The following GRIK2 variants were observed in gnomAD, a reference collection of about 807,000 sequenced individuals.
The protein encoded by GRIK2 is glutamate receptor ionotropic, kainate 2.
Under a neutral mutation model 100.3 loss-of-function variants are expected in GRIK2, and 32 were observed. The ratio of observed to expected loss-of-function variants is 0.32; its 90% CI spans 0.24 to 0.43. The LOEUF is 0.43. GRIK2 is among the 20% of genes least tolerant of loss of function. The pLI, the probability that GRIK2 is intolerant of heterozygous loss-of-function variation, is 1.00. For synonymous variants in GRIK2, 417 were observed against 389.4 expected (o/e 1.07, Z -0.83); for missense variants, 843 against 1,114.9 (o/e 0.76, Z 3.47).
At chr6:101,424,836 G>C (rs1019324235) in intron 2 of GRIK2, among the ~76,000 whole-genome samples, 1 of 151,156 alleles carries the variant, frequency 6.6e-6, no homozygotes, top group South Asian at 2.1e-4. Flanking sequence ...TTGTCCTTGC[G>C]ATAGTTTGCT....
chr6:101,400,271 G>A (rs921833625), intron 2 of GRIK2, among the ~76,000 whole-genome samples: 55 of 152,238 alleles, frequency 3.6e-4, no homozygotes, highest in African/African-American at 1.3e-3. Flanking sequence ...GGGTTTCTTT[G>A]GAGCTTGAAG....
intron 9 of GRIK2, among the ~76,000 whole-genome samples, chr6:101,817,888 G>A (rs1305512174): frequency 6.6e-6 from 1 of 152,184 alleles, no homozygotes; most frequent in African/African-American, 2.4e-5. Context: ...TATCCCACCA[G>A]GGGTAGTGCA....
intron 14 of GRIK2, among the ~76,000 whole-genome samples, chr6:101,974,143 C>G (rs1397818165): frequency 6.6e-6 from 1 of 151,614 alleles, no homozygotes; most frequent in African/African-American, 2.4e-5. Flanking sequence ...GCCATCTTGT[C>G]TTTTTGTAAA....
At position 102,059,904 on chromosome 6, in the gene GRIK2, A is replaced by C. The variant is rs1771662205; in HGVS notation, c.2562+4324A>C. ...TGTTTTTATTGAACTGTCTGGATAT[A>C]AATTATTGAGTTTCCTGACATAAAA... On this transcript the variant is annotated intron_variant, in intron 16 of 16. Transcript: ENST00000369134. 3.3e-5 allele frequency among the ~76,000 whole-genome samples: 5 copies of C among 150,482 alleles called. No individual in the cohort carries two copies. In the South Asian group the frequency reaches 1.0e-3, roughly 31 times the overall value.
intron 7 of GRIK2, among the ~76,000 whole-genome samples, chr6:101,729,390 T>A (rs1432202296): frequency 6.6e-6 from 1 of 151,944 alleles, no homozygotes; most frequent in Non-Finnish European, 1.5e-5. Flanking sequence ...AAAGCTTGCC[T>A]TAGACATTAA....
At chr6:101,776,989 T>C (rs1425456218) in intron 7 of GRIK2, among the ~76,000 whole-genome samples, 4 of 152,192 alleles carry the variant, frequency 2.6e-5, no homozygotes, top group South Asian at 2.1e-4. Context: ...CTTCTGGTGA[T>C]CATCGCCATC....
intron 7 of GRIK2, among the ~76,000 whole-genome samples, chr6:101,764,566 A>G (rs1460884874): frequency 6.6e-6 from 1 of 152,162 alleles, no homozygotes; most frequent in Non-Finnish European, 1.5e-5. Context: ...TTTTTATCTC[A>G]GTGAATATTA....
chr6:102,015,289 G>A lies in GRIK2; in HGVS notation c.2086-20052G>A, dbSNP rs535539615. ...CATTTTTCTTTGTTTCTCTTGCTTG[G>A]TAGATTTTTCTCCATCCCTTTATTT... is the stretch of plus-strand genomic sequence containing the variant. On this transcript the variant is annotated intron_variant, in intron 14 of 16. Coordinates refer to ENST00000369134, the MANE Select transcript of GRIK2 (RefSeq NM_021956.5). Among the ~76,000 whole-genome samples the A allele has an allele frequency of 2.4e-3, 362 of 151,672 alleles. 1 individual carries two copies. The highest frequency in any genetic ancestry group is 4.4e-3 in the Non-Finnish European group (299 of 67,894).
In GRIK2 at chr6:101,413,967, T is replaced by C. The variant is rs146865269; in HGVS notation, c.115+14575T>C. Among the ~76,000 whole-genome samples the C allele has an allele frequency of 9.2e-3, 1,403 of 152,330 alleles. 14 individuals carry two copies. The highest frequency in any genetic ancestry group is 0.024 in the Middle Eastern group (7 of 294). On this transcript the variant is annotated intron_variant, in intron 2 of 16. Coordinates refer to ENST00000369134, the MANE Select transcript of GRIK2 (RefSeq NM_021956.5). ...TTCTTTCAATCATTCATTTAACAAA[T>C]GTTTAACTGCTTACCCATGTGCCAG... is the stretch of plus-strand genomic sequence containing the variant.
intron 12 of GRIK2, among the ~76,000 whole-genome samples, chr6:101,897,467 A>G (rs1261839799): frequency 6.6e-6 from 1 of 151,670 alleles, no homozygotes; most frequent in Non-Finnish European, 1.5e-5. Flanking sequence ...ACAAAATTTC[A>G]CTTCTGTTTT....
intron 4 of GRIK2, 76 bp from the exon 5 acceptor site, chr6:101,676,547 G>A (rs1018890590): frequency 2.5e-6 from 2 of 806,680 alleles, no homozygotes; most frequent in Non-Finnish European, 3.8e-6. Context: ...ACATTCTAAT[G>A]AGTGTTTTCT....
chr6:101,922,101 T>A (rs539205855), intron 12 of GRIK2, among the ~76,000 whole-genome samples: 1 of 22,994 alleles, frequency 4.3e-5, no homozygotes, highest in African/African-American at 2.1e-4. Flanking sequence ...CCTTCCTTCC[T>A]TCCTTCCTTC....
chr6:101,837,450 T>G (rs1246013877), intron 10 of GRIK2, among the ~76,000 whole-genome samples: 1 of 152,194 alleles, frequency 6.6e-6, no homozygotes. Flanking sequence ...TTAGTCAACT[T>G]TGATTGTGTT....
At chr6:101,620,482 C>T (rs934773834) in intron 2 of GRIK2, among the ~76,000 whole-genome samples, 5 of 151,906 alleles carry the variant, frequency 3.3e-5, no homozygotes, top group African/African-American at 4.8e-5. Context: ...TTTGCCTCAC[C>T]CCTCTAGTCT....
intron 2 of GRIK2, among the ~76,000 whole-genome samples, chr6:101,595,151 A>G (rs945921153): frequency 1.2e-4 from 18 of 151,660 alleles, no homozygotes; most frequent in Admixed American, 5.3e-4. Context: ...AGTCAAAAAC[A>G]TGAAAACCAA....
chr6:101,686,295 T>C lies in GRIK2; in HGVS notation c.893T>C (p.Met298Thr). ...TCCTCCATCATTGAAAAGTGGTCGA[T>C]GGAACGATTGCAGGCACCTCCGAAA... is the stretch of plus-strand genomic sequence containing the variant. ...QVSSIIEKWS[M>T]ERLQAPPKPD... Residue 298 changes from methionine to threonine, a missense_variant, in exon 7 of 17, where the codon ATG (methionine) becomes ACG (threonine). This residue lies in a region of GRIK2 where 519 missense variants were observed against 643.8 expected (regional missense o/e 0.81). Coordinates refer to ENST00000369134, the MANE Select transcript of GRIK2 (RefSeq NM_021956.5). 6.2e-6 allele frequency: 10 copies of C among 1,613,634 alleles called. No homozygotes were observed. The highest frequency in any genetic ancestry group is 8.5e-6 in the Non-Finnish European group (10 of 1,179,626).
At chr6:101,426,824 A>G (rs1769047914) in intron 2 of GRIK2, among the ~76,000 whole-genome samples, 1 of 152,112 alleles carries the variant, frequency 6.6e-6, no homozygotes, top group African/African-American at 2.4e-5. Flanking sequence ...GCTAAATGAA[A>G]TTCAAACTGC....
chr6:101,731,859 A>G (rs1484439829), intron 7 of GRIK2, among the ~76,000 whole-genome samples: 2 of 152,142 alleles, frequency 1.3e-5, no homozygotes, highest in Non-Finnish European at 2.9e-5. Context: ...ACTGTATCCC[A>G]TAGAACCATA....
chr6:101,724,999 G>C (rs1348514297), intron 7 of GRIK2, among the ~76,000 whole-genome samples: 3 of 151,936 alleles, frequency 2.0e-5, no homozygotes, highest in African/African-American at 7.2e-5. Context: ...TAGTGTGTCT[G>C]CTATGTTCCC....
Sources: gnomAD v4.1 joint callset for allele counts (sites outside exome capture counted in the v4.1 genomes callset) on GRCh38, gnomAD v4.1.1 for gene constraint, gnomAD v4.1.1 regional missense constraint, MANE v1.5 for transcripts, NCBI Gene and HGNC (gene_info 2026-07-23, HGNC 2026-07-21) for gene names.